Variants in RAB21 observed in about 807,000 individuals in gnomAD.
RAB21 encodes ras-related protein Rab-21.
In RAB21, 13 loss-of-function variants were observed where a neutral mutation model predicts 33.1. The observed-to-expected ratio is 0.39, with a 90% CI of 0.26 to 0.62. RAB21 has a LOEUF of 0.62. Among genes scored for constraint, RAB21 ranks in the 20% least tolerant of loss-of-function variants. RAB21 has a pLI of 0.48. For missense variants in RAB21, 234 were observed against 279.1 expected (o/e 0.84, Z 1.15); for synonymous variants, 91 against 103.7 (o/e 0.88, Z 0.74).
rs556302914 is a variant in RAB21 at position 71,799,167 on chromosome 12, G to A, written c.*13494G>A. The A allele has an allele frequency of 6.6e-6, 1 of 152,388 alleles. No individual in the cohort carries two copies. The highest frequency in any genetic ancestry group is 2.4e-5 in the African/African-American group (1 of 41,558). 9.4% of individuals were successfully genotyped at this position (152,388 alleles called of 1,614,324 possible). ...ATCTTCTTTCTCCAGCTTCCCAGGA[G>A]TGAAAGGTTGTAGTGGCTGGCCTCT... On this transcript the variant is annotated 3_prime_UTR_variant, in exon 7 of 7. Transcript: ENST00000261263.
At chr12:71,781,764 G>A (rs896652700) in intron 4 of RAB21, among the ~76,000 whole-genome samples, 2 of 152,154 alleles carry the variant, frequency 1.3e-5, no homozygotes, top group African/African-American at 4.8e-5. Flanking sequence ...TCAAAAAAGA[G>A]TGCCTGTCTC....
rs1883514585 is a variant in RAB21, at chr12:71,799,826, A to G, written c.*14153A>G. 6.6e-6 allele frequency: 1 copy of G among 152,254 alleles called. No homozygotes were observed. The highest frequency in any genetic ancestry group is 6.5e-5 in the Admixed American group (1 of 15,280). The allele number at this position is 152,254 out of a possible 1,614,324, so 9.4% of individuals were successfully genotyped here. ...AGTGGTTCACACCTGTAATCCCAGCATTTTGGGAGGCCAAGATGGGCGGAT... is the reference window on the plus strand; with the variant it reads ...AGTGGTTCACACCTGTAATCCCAGCGTTTTGGGAGGCCAAGATGGGCGGAT... On this transcript the variant is annotated 3_prime_UTR_variant, in exon 7 of 7. Transcript: ENST00000261263.
At position 71,798,253 on chromosome 12, in the gene RAB21, T is replaced by C. The variant is rs1883490920; in HGVS notation, c.*12580T>C. 1 of 152,078 alleles carries C rather than the reference T, an allele frequency of 6.6e-6. No individual in the cohort carries two copies. The highest frequency in any genetic ancestry group is 2.4e-5 in the African/African-American group (1 of 41,380). 9.4% of individuals were successfully genotyped at this position (152,078 alleles called of 1,614,324 possible). ...GTGTGCACCACCACACCTGGCTAAT[T>C]TTTGTATTTTTAGTAGAGATGGCGT... is the stretch of plus-strand genomic sequence containing the variant. On this transcript the variant is annotated 3_prime_UTR_variant, in exon 7 of 7. Coordinates refer to ENST00000261263, the MANE Select transcript of RAB21 (RefSeq NM_014999.4).
At chr12:71,781,275 C>T (rs559883956) in intron 4 of RAB21, among the ~76,000 whole-genome samples, 19 of 152,206 alleles carry the variant, frequency 1.2e-4, no homozygotes, top group African/African-American at 4.6e-4. Context: ...CGAGACCATC[C>T]TGGCTAACAC....
At chr12:71,768,600 A>G (rs761192876) in intron 1 of RAB21, among the ~76,000 whole-genome samples, 3 of 152,100 alleles carry the variant, frequency 2.0e-5, no homozygotes, top group Admixed American at 6.6e-5. Context: ...CTTTCTACCT[A>G]TCTTTTCTAG....
chr12:71,755,275 T>G lies in RAB21; in HGVS notation c.146T>G (p.Ile49Ser). 6.5e-7 allele frequency: 1 copy of G among 1,532,526 alleles called. No homozygotes were observed. Among genetic ancestry groups the G allele is most frequent in the Non-Finnish European group, 8.7e-7 (1 of 1,143,568 alleles). 94.9% of individuals were successfully genotyped at this position (1,532,526 alleles called of 1,614,324 possible). The change falls in exon 1 of 7, where the codon ATC (isoleucine) becomes AGC (serine). Residue 49 changes from isoleucine to serine, a missense_variant. Ile to Ser is a moderately radical substitution (Grantham distance 142). Coordinates refer to ENST00000261263, the MANE Select transcript of RAB21 (RefSeq NM_014999.4). The part of the protein sequence containing the change: ...YCENKFNDKH[I>S]TTLQASFLTK... ...GAGAACAAGTTTAACGACAAGCACA[T>G]CACCACTCTGCAGGTGCGGACCTCG... is the stretch of plus-strand genomic sequence containing the variant.
intron 1 of RAB21, among the ~76,000 whole-genome samples, chr12:71,756,147 C>G (rs1259844568): frequency 2.0e-5 from 3 of 152,176 alleles, no homozygotes; most frequent in African/African-American, 4.8e-5. Flanking sequence ...CCAATTTGGT[C>G]AAAGGCAGTA....
rs111943697 is a variant in RAB21 at position 71,771,355 on chromosome 12, A to ACATTCT, written c.327+656_327+657insCATTCT. On this transcript the variant is annotated intron_variant, in intron 3 of 6. Coordinates refer to ENST00000261263, the MANE Select transcript of RAB21 (RefSeq NM_014999.4). The stretch of plus-strand genomic sequence containing the variant: ...TTTCTCCTAAAGCTCTTCTTGGAAT[A>ACATTCT]TGTCAACAATGTGTAACTACAGGGA... Among the ~76,000 whole-genome samples the ACATTCT allele has an allele frequency of 4.5e-4, 68 of 152,310 alleles. 1 individual carries two copies. The highest frequency in any genetic ancestry group is 1.4e-3 in the African/African-American group (60 of 41,578).
rs1288545343 is a variant in RAB21 at position 71,789,083 on chromosome 12, CTT to C, written c.*3413_*3414del. ...AGTGAAGAAGAAGAGTAGTACTTCA[CTT>C]TTAGGTTTTTAGTAGTGAAAGATAA... On this transcript the variant is annotated 3_prime_UTR_variant, in exon 7 of 7. Coordinates refer to ENST00000261263, the MANE Select transcript of RAB21 (RefSeq NM_014999.4). 1 of 150,642 alleles carries C rather than the reference CTT, an allele frequency of 6.6e-6. No individual in the cohort carries two copies. Among genetic ancestry groups the C allele is most frequent in the Non-Finnish European group, 1.5e-5 (1 of 67,706 alleles). 9.3% of individuals were successfully genotyped at this position (150,642 alleles called of 1,614,324 possible). A position where few individuals can be genotyped will look rare whatever the true frequency, so the allele number is the denominator to read the frequency against.
intron 1 of RAB21, among the ~76,000 whole-genome samples, chr12:71,755,682 G>A (rs1417828387): frequency 2.0e-5 from 3 of 152,178 alleles, no homozygotes; most frequent in Non-Finnish European, 4.4e-5. Context: ...TTGATTTTGC[G>A]AATTAGGTGA....
At chr12:71,759,179 T>C (rs1816312141) in intron 1 of RAB21, among the ~76,000 whole-genome samples, 1 of 152,230 alleles carries the variant, frequency 6.6e-6, no homozygotes, top group Non-Finnish European at 1.5e-5. Flanking sequence ...CCTGTTAATG[T>C]CCTTTTTAAT....
Position 71,787,922 on chromosome 12 carries a change from CT to C in RAB21, c.*2253del. 1 of 151,802 alleles carries C rather than the reference CT, an allele frequency of 6.6e-6. No homozygotes were observed. The highest frequency in any genetic ancestry group is 3.4e-3 in the Middle Eastern group (1 of 292). The allele number at this position is 151,802 out of a possible 1,614,324, so 9.4% of individuals were successfully genotyped here. On this transcript the variant is annotated 3_prime_UTR_variant, in exon 7 of 7. Transcript: ENST00000261263. The stretch of plus-strand genomic sequence containing the variant: ...GCTCTTTCAGACAGAGTGAAGAAAG[CT>C]TTTCCATTCTTACTGTTGTAGAAGT...
At chr12:71,757,194 C>T (rs930462993) in intron 1 of RAB21, among the ~76,000 whole-genome samples, 13 of 152,148 alleles carry the variant, frequency 8.5e-5, no homozygotes, top group African/African-American at 3.1e-4. Context: ...CTGCAACCTC[C>T]ACCTCCTGGG....
chr12:71,758,069 A>G (rs1025906260), intron 1 of RAB21, among the ~76,000 whole-genome samples: 8 of 150,388 alleles, frequency 5.3e-5, no homozygotes, highest in Admixed American at 1.3e-4. Context: ...GTCTCACTCT[A>G]TCACCCAGGC....
intron 4 of RAB21, 72 bp from the exon 5 acceptor site, chr12:71,781,959 A>T: frequency 8.4e-7 from 1 of 1,192,318 alleles, no homozygotes; most frequent in Non-Finnish European, 1.2e-6. Context: ...GCAATTTTAT[A>T]TTTAGAATTG....
intron 4 of RAB21, among the ~76,000 whole-genome samples, chr12:71,781,191 CG>C (rs1168560735): frequency 6.6e-6 from 1 of 152,070 alleles, no homozygotes; most frequent in Non-Finnish European, 1.5e-5. Context: ...TTTTTCCGGC[CG>C]GGCGCGGTGG....
rs200982944 is a variant in RAB21, at chr12:71,782,599, A to G, written c.476A>G (p.Tyr159Cys). The change falls in exon 6 of 7, where the codon TAT becomes TGT. Residue 159 changes from tyrosine (Y) to cysteine (C), a missense_variant. Coordinates refer to ENST00000261263, the MANE Select transcript of RAB21 (RefSeq NM_014999.4). ...SYAESVGAKH[Y>C]HTSAKQNKGI... ...GCAGAATCTGTGGGAGCAAAACATT[A>G]TCATACTTCAGCCAAACAGAACAAA... 1.1e-4 allele frequency: 184 copies of G among 1,603,378 alleles called. 1 individual carries two copies. Among genetic ancestry groups the G allele is most frequent in the South Asian group, 1.7e-4 (15 of 89,702 alleles).
intron 3 of RAB21, among the ~76,000 whole-genome samples, chr12:71,771,900 G>A (rs756032019): frequency 3.3e-5 from 5 of 151,772 alleles, no homozygotes; most frequent in Non-Finnish European, 5.9e-5. Flanking sequence ...TGCTTAAACT[G>A]GGGAGGCAGA....
At position 71,796,711 on chromosome 12, in the gene RAB21, A is replaced by G. The variant is rs1486658268; in HGVS notation, c.*11038A>G. 2 of 143,056 alleles carry G rather than the reference A, an allele frequency of 1.4e-5. 1 individual carries two copies. The highest frequency in any genetic ancestry group is 1.4e-4 in the Admixed American group (2 of 14,086). The allele number at this position is 143,056 out of a possible 1,614,324, so 8.9% of individuals were successfully genotyped here. ...AAGTGTGTAGTTTTTAAGTGAAATC[A>G]TACATAATTTCAAGGAAACTGCTAG... is the stretch of plus-strand genomic sequence containing the variant. On this transcript the variant is annotated 3_prime_UTR_variant, in exon 7 of 7. Coordinates refer to ENST00000261263, the MANE Select transcript of RAB21 (RefSeq NM_014999.4).
Sources: gnomAD v4.1 joint callset for allele counts (sites outside exome capture counted in the v4.1 genomes callset) on GRCh38, gnomAD v4.1.1 for gene constraint, MANE v1.5 for transcripts, NCBI Gene and HGNC (gene_info 2026-07-23, HGNC 2026-07-21) for gene names.